The following FBN1 variants were observed in gnomAD, a reference collection of about 807,000 sequenced individuals.
The protein encoded by FBN1 is fibrillin-1.
Under a neutral mutation model 365.1 loss-of-function variants are expected in FBN1, and 29 were observed. The observed-to-expected ratio is 0.08, with a 90% CI of 0.06 to 0.11. FBN1 has a LOEUF of 0.11. FBN1 is among the 10% of genes least tolerant of loss of function. FBN1 has a pLI of 1.00. For missense variants in FBN1, 2,476 were observed against 3,703.2 expected, an observed-to-expected ratio of 0.67 and a Z score of 8.60; for synonymous variants, 1,210 against 1,270.5, an observed-to-expected ratio of 0.95 and a Z score of 1.01.
chr15:48,475,572 T>C (rs1191773876), intron 32 of FBN1, among the ~76,000 whole-genome samples: 2 of 152,182 alleles, frequency 1.3e-5, no homozygotes, highest in Non-Finnish European at 2.9e-5. Context: ...AACTCATAAA[T>C]ATGGTACTCT....
At chr15:48,419,730 A>G (rs2042925845) in intron 63 of FBN1, among the ~76,000 whole-genome samples, 1 of 152,200 alleles carries the variant, frequency 6.6e-6, no homozygotes, top group Non-Finnish European at 1.5e-5. Context: ...AACCCCTGCA[A>G]TGCAGAGCCT....
intron 2 of FBN1, among the ~76,000 whole-genome samples, chr15:48,634,161 T>C (rs1258049288): frequency 6.6e-6 from 1 of 152,132 alleles, no homozygotes; most frequent in Non-Finnish European, 1.5e-5. Flanking sequence ...TCTTACAAAT[T>C]AGCACTGAAT....
rs12324002 is a variant in FBN1 at position 48,526,132 on chromosome 15, A to G, written c.986T>C (p.Ile329Thr). ...FYTSPDGTRCIDVRPGYCYTA... is the reference protein window; with the variant it reads ...FYTSPDGTRCTDVRPGYCYTA... ...ATGCTGTTTGTCATTAAACCTACCT[A>G]TGCATCTGGTACCATCTGGAGAGGT... Residue 329 changes from isoleucine to threonine, a missense_variant and splice_region_variant, in exon 9 of 66, where the codon ATA becomes ACA. Coordinates refer to ENST00000316623, the MANE Select transcript of FBN1 (RefSeq NM_000138.5). The G allele has an allele frequency of 1.2e-3, 1,994 of 1,614,086 alleles. 33 individuals are homozygous for G. In the African/African-American group the frequency reaches 0.024, roughly 19 times the overall value.
chr15:48,482,303 A>T (rs2141288039), intron 31 of FBN1, among the ~76,000 whole-genome samples: 1 of 152,342 alleles, frequency 6.6e-6, no homozygotes, highest in Admixed American at 6.5e-5. Flanking sequence ...GATAAATGTG[A>T]TAAAAATGTA....
intron 6 of FBN1, among the ~76,000 whole-genome samples, chr15:48,575,325 ATGTATGTATG>A (rs1311057222): frequency 4.3e-4 from 42 of 97,512 alleles, no homozygotes; most frequent in South Asian, 3.9e-3. Context: ...TTACATATGT[ATGTATGTATG>A]TATGTATGTA....
rs143574676 is a variant in FBN1 at position 48,481,117 on chromosome 15, A to G, written c.3964+538T>C. Among the ~76,000 whole-genome samples the G allele has an allele frequency of 9.7e-3, 1,478 of 152,302 alleles. 25 individuals are homozygous for G. The highest frequency in any genetic ancestry group is 0.034 in the African/African-American group (1,407 of 41,576). ...TTGCAAATGGTTTCATTATCACTTCATAAGATTTGCTAAGTCCCATGAATA... is the reference window on the plus strand; with the variant it reads ...TTGCAAATGGTTTCATTATCACTTCGTAAGATTTGCTAAGTCCCATGAATA... On this transcript the variant is annotated intron_variant, in intron 32 of 65. Coordinates refer to ENST00000316623, the MANE Select transcript of FBN1 (RefSeq NM_000138.5).
rs542151867 is a variant in FBN1, at chr15:48,484,202, T to A, written c.3713-259A>T. 6.6e-5 allele frequency among the ~76,000 whole-genome samples: 10 copies of A among 152,318 alleles called. No homozygotes were observed. In the South Asian group the frequency reaches 1.9e-3, roughly 28 times the overall value. ...TTAAAAGTCTATTATTTATTTAAAA[T>A]CTTTCTTTCATTTAATTTATCATTC... On this transcript the variant is annotated intron_variant, in intron 30 of 65. Coordinates refer to ENST00000316623, the MANE Select transcript of FBN1 (RefSeq NM_000138.5).
chr15:48,553,594 G>A (rs1269604397), intron 6 of FBN1, among the ~76,000 whole-genome samples: 9 of 152,140 alleles, frequency 5.9e-5, no homozygotes, highest in Non-Finnish European at 1.2e-4. Context: ...TCAGGGAACG[G>A]GAGAATCAAG....
Position 48,410,637 on chromosome 15 carries a change from C to CA in FBN1, c.*352dup, listed in dbSNP as rs1303647407. ...TGGAGAAGCAAAGTTTACAAATTTG[C>CA]AAAAAATAGAGTAGTCCATCAATTG... On this transcript the variant is annotated 3_prime_UTR_variant, in exon 66 of 66. Transcript: ENST00000316623. 3 of 237,358 alleles carry CA rather than the reference C, an allele frequency of 1.3e-5. No individual in the cohort carries two copies. Among genetic ancestry groups the CA allele is most frequent in the Non-Finnish European group, 2.5e-5 (3 of 121,856 alleles). 14.7% of individuals were successfully genotyped at this position (237,358 alleles called of 1,614,324 possible).
intron 42 of FBN1, 69 bp from the exon 43 acceptor site, chr15:48,460,386 A>C: frequency 1.0e-6 from 1 of 964,010 alleles, no homozygotes; most frequent in African/African-American, 1.6e-5. Context: ...GGACTGAAAA[A>C]AATTATTTTG....
chr15:48,581,968 GGACT>G (rs2044396062), intron 6 of FBN1, among the ~76,000 whole-genome samples: 1 of 152,174 alleles, frequency 6.6e-6, no homozygotes, highest in Admixed American at 6.5e-5. Flanking sequence ...GTTGCCCCAA[GGACT>G]GACTAAGGTG....
intron 10 of FBN1, among the ~76,000 whole-genome samples, chr15:48,518,083 C>T (rs1045244664): frequency 6.6e-5 from 10 of 152,226 alleles, no homozygotes; most frequent in Admixed American, 6.5e-5. Flanking sequence ...ATTTTAATTA[C>T]GATTTCACTG....
chr15:48,445,607 G>T, intron 47 of FBN1, 103 bp from the exon 48 acceptor site: 1 of 1,352,822 alleles, frequency 7.4e-7, no homozygotes, highest in Non-Finnish European at 1.0e-6. Flanking sequence ...CTGAATTTTA[G>T]TGGCCTTTGC....
chr15:48,457,691 A>T (rs1302323932), intron 43 of FBN1, among the ~76,000 whole-genome samples: 1 of 152,156 alleles, frequency 6.6e-6, no homozygotes, highest in East Asian at 1.9e-4. Context: ...ATTAATAGTG[A>T]CAGTATCTCA....
At chr15:48,566,943 C>T (rs1054587191) in intron 6 of FBN1, among the ~76,000 whole-genome samples, 13 of 152,156 alleles carry the variant, frequency 8.5e-5, no homozygotes, top group Non-Finnish European at 1.6e-4. Context: ...AAAGTGTGAC[C>T]TGTGGCCCAG....
chr15:48,589,914 C>T (rs1252047668), intron 6 of FBN1, among the ~76,000 whole-genome samples: 1 of 152,170 alleles, frequency 6.6e-6, no homozygotes, highest in Admixed American at 6.5e-5. Flanking sequence ...CCACGCCCTG[C>T]CACATTGTTA....
chr15:48,438,048 A>G, intron 50 of FBN1, 131 bp from the exon 51 acceptor site: 4 of 928,816 alleles, frequency 4.3e-6, no homozygotes, highest in Non-Finnish European at 5.3e-6. Context: ...TCCTTACGTG[A>G]TTCTAATGGT....
In FBN1 at chr15:48,520,681, C is replaced by A. The variant is rs2043845159; in HGVS notation, c.1125G>T (p.Glu375Asp). The change falls in exon 10 of 66, where the codon GAG (glutamate) becomes GAT (aspartate). Residue 375 changes from glutamate to aspartate, a missense_variant. Coordinates refer to ENST00000316623, the MANE Select transcript of FBN1 (RefSeq NM_000138.5). ...TACCGGTTGCTCTGATGGGACACAT[C>A]TCAGGGGCGACAGTGACCCCTGGAG... Reference protein sequence around the residue: ...CWSPGVTVAPEMCPIRATEDF... With the variant: ...CWSPGVTVAPDMCPIRATEDF... 3 of 1,613,996 alleles carry A rather than the reference C, an allele frequency of 1.9e-6. No individual in the cohort carries two copies. In the Admixed American group the frequency reaches 5.0e-5, roughly 27 times the overall value.
intron 10 of FBN1, among the ~76,000 whole-genome samples, chr15:48,520,275 T>A (rs2043839972): frequency 6.7e-6 from 1 of 149,730 alleles, no homozygotes; most frequent in African/African-American, 2.5e-5. Context: ...AAGGAAAGAG[T>A]CCAATGTTAG....
Sources: gnomAD v4.1 joint callset for allele counts (sites outside exome capture counted in the v4.1 genomes callset) on GRCh38, gnomAD v4.1.1 for gene constraint, MANE v1.5 for transcripts, NCBI Gene and HGNC (gene_info 2026-07-23, HGNC 2026-07-21) for gene names.